Variants in SNTB2 observed in about 807,000 individuals in gnomAD.
SNTB2 encodes beta-2-syntrophin.
In SNTB2, 34 loss-of-function variants were observed where a neutral mutation model predicts 46.2. The observed-to-expected ratio is 0.74, with a 90% confidence interval of 0.56 to 0.98. SNTB2 has a LOEUF of 0.98. Ranked by LOEUF, SNTB2 falls within the 50% of genes least tolerant of loss-of-function variation. The pLI is 0.00. For missense variants in SNTB2, 603 were observed against 731.4 expected, an observed-to-expected ratio of 0.82 and a Z score of 2.02; for synonymous variants, 290 against 312.6, an observed-to-expected ratio of 0.93 and a Z score of 0.76.
chr16:69,261,322 T>A lies in SNTB2; in HGVS notation c.1005+1062T>A, dbSNP rs556884663. Among the ~76,000 whole-genome samples, 138 of 151,964 alleles carry A rather than the reference T, an allele frequency of 9.1e-4. No individual in the cohort carries two copies. The Middle Eastern group carries it at 0.01, about 11-fold the overall frequency. On this transcript the variant is annotated intron_variant, in intron 3 of 6. Coordinates refer to ENST00000336278, the MANE Select transcript of SNTB2 (RefSeq NM_006750.4). ...ACATAGTTCTAACTTTTTTTTTTTT[T>A]AAGTTGAGGTTGATTTTATTTGAGG...
chr16:69,287,024 G>A (rs904841287), intron 5 of SNTB2, among the ~76,000 whole-genome samples: 2 of 152,104 alleles, frequency 1.3e-5, no homozygotes, highest in African/African-American at 2.4e-5. Context: ...GAAAAATAAA[G>A]GATTTGAAAT....
chr16:69,222,137 TTTAA>T (rs1964411467), intron 1 of SNTB2, among the ~76,000 whole-genome samples: 1 of 152,240 alleles, frequency 6.6e-6, no homozygotes, highest in Non-Finnish European at 1.5e-5. Context: ...ATGGCATCGT[TTTAA>T]ATTAATTATC....
chr16:69,270,187 GGCTGT>G lies in SNTB2; in HGVS notation c.1052_1056del (p.Ala351AspfsTer2). 1 of 1,614,078 alleles carries G rather than the reference GGCTGT, an allele frequency of 6.2e-7. No homozygotes were observed. The highest frequency in any genetic ancestry group is 8.5e-7 in the Non-Finnish European group (1 of 1,180,016). On this transcript the variant is annotated frameshift_variant, in exon 4 of 7. Coordinates refer to ENST00000336278, the MANE Select transcript of SNTB2 (RefSeq NM_006750.4). LOFTEE classifies it high-confidence loss of function. The stretch of plus-strand genomic sequence containing the variant: ...GACAGCAATGGAGACCTGTCCTCAT[GGCTGT>G]GACTGAGAAGGATTTGCTGCTCTAT...
At chr16:69,228,238 G>T (rs1161252004) in intron 1 of SNTB2, among the ~76,000 whole-genome samples, 1 of 152,044 alleles carries the variant, frequency 6.6e-6, no homozygotes, top group Admixed American at 6.6e-5. Context: ...GGCCGCGGTG[G>T]CTGATGCCTG....
intron 3 of SNTB2, among the ~76,000 whole-genome samples, chr16:69,264,386 A>C (rs772549292): frequency 6.6e-6 from 1 of 152,234 alleles, no homozygotes; most frequent in Non-Finnish European, 1.5e-5. Context: ...CATATACTGC[A>C]TATTTTCCAA....
chr16:69,215,123 G>T (rs1964334102), intron 1 of SNTB2, among the ~76,000 whole-genome samples: 2 of 152,144 alleles, frequency 1.3e-5, no homozygotes, highest in Admixed American at 6.5e-5. Context: ...CTCCCAAAGT[G>T]TTGGGATTAC....
intron 2 of SNTB2, among the ~76,000 whole-genome samples, chr16:69,253,074 T>C (rs1392212874): frequency 2.0e-5 from 3 of 151,722 alleles, no homozygotes; most frequent in African/African-American, 7.3e-5. Context: ...TAATTTTTTG[T>C]ATTTTTAGTA....
At chr16:69,195,670 C>T (rs1403013804) in intron 1 of SNTB2, among the ~76,000 whole-genome samples, 3 of 152,054 alleles carry the variant, frequency 2.0e-5, no homozygotes, top group Non-Finnish European at 4.4e-5. Context: ...GCTCTAGGAA[C>T]ATATTGCCTT....
chr16:69,235,679 G>C, intron 1 of SNTB2: 2 of 1,249,182 alleles, frequency 1.6e-6, no homozygotes, highest in Non-Finnish European at 2.1e-6. Context: ...GCACCAATAT[G>C]ACAGCTTCAA....
intron 5 of SNTB2, among the ~76,000 whole-genome samples, chr16:69,297,639 C>A (rs974009341): frequency 1.3e-5 from 2 of 150,490 alleles, no homozygotes; most frequent in African/African-American, 4.9e-5. Context: ...AAGCCATGTG[C>A]AATGGCTCAC....
intron 3 of SNTB2, among the ~76,000 whole-genome samples, chr16:69,264,380 T>C (rs902075377): frequency 6.6e-6 from 1 of 152,132 alleles, no homozygotes; most frequent in Admixed American, 6.5e-5. Context: ...TAATGACATA[T>C]ACTGCATATT....
At chr16:69,220,539 T>C (rs573664385) in intron 1 of SNTB2, among the ~76,000 whole-genome samples, 1 of 151,804 alleles carries the variant, frequency 6.6e-6, no homozygotes, top group African/African-American at 2.4e-5. Context: ...GTTTTGTTTT[T>C]TTTTTTGAGA....
intron 2 of SNTB2, among the ~76,000 whole-genome samples, chr16:69,256,783 G>A (rs1964780812): frequency 6.6e-6 from 1 of 152,322 alleles, no homozygotes; most frequent in East Asian, 1.9e-4. Flanking sequence ...AAACATGGGT[G>A]TACAAATGTC....
In SNTB2 at chr16:69,292,385, ATATATTATATATATATATATATT is replaced by A. The variant is rs1567416372; in HGVS notation, c.1346-7204_1346-7182del. Among the ~76,000 whole-genome samples, 36 of 16,054 alleles carry A rather than the reference ATATATTATATATATATATATATT, an allele frequency of 2.2e-3. 5 individuals carry two copies. The highest frequency in any genetic ancestry group is 0.014 in the East Asian group (4 of 276). The allele number at this position is 16,054 out of a possible 152,430, so 10.5% of individuals were successfully genotyped here. On this transcript the variant is annotated intron_variant, in intron 5 of 6. Coordinates refer to ENST00000336278, the MANE Select transcript of SNTB2 (RefSeq NM_006750.4). Reference sequence around the variant, plus strand: ...ATATATATATATATATATATTATATATATATTATATATATATATATATTATATATATATTATATATATATATAT... The same window carrying A: ...ATATATATATATATATATATTATATAATATATATATTATATATATATATAT...
At chr16:69,207,219 A>G (rs953554538) in intron 1 of SNTB2, among the ~76,000 whole-genome samples, 3 of 134,380 alleles carry the variant, frequency 2.2e-5, no homozygotes, top group East Asian at 2.0e-4. Context: ...CAGTGGCGCA[A>G]TATCGGCTCA....
At chr16:69,204,323 A>G (rs911889136) in intron 1 of SNTB2, among the ~76,000 whole-genome samples, 2 of 152,244 alleles carry the variant, frequency 1.3e-5, no homozygotes, top group Non-Finnish European at 2.9e-5. Flanking sequence ...AGTTGCTTCC[A>G]TAGGCTTGCT....
intron 2 of SNTB2, among the ~76,000 whole-genome samples, chr16:69,255,035 T>A (rs1417592214): frequency 6.6e-6 from 1 of 152,118 alleles, no homozygotes; most frequent in Non-Finnish European, 1.5e-5. Context: ...ACCAGGCCAT[T>A]TCTGTCTTTA....
chr16:69,272,539 CAAAAAAAA>C (rs556616496), intron 4 of SNTB2, among the ~76,000 whole-genome samples: 2 of 58,162 alleles, frequency 3.4e-5, no homozygotes, highest in African/African-American at 6.1e-5. Flanking sequence ...GACTCTGTCT[CAAAAAAAA>C]AAAAAAAAAA....
intron 5 of SNTB2, 80 bp downstream of exon 5, chr16:69,284,324 G>C: frequency 1.6e-6 from 2 of 1,214,636 alleles, no homozygotes; most frequent in Middle Eastern, 5.7e-4. Context: ...TGACATTTCA[G>C]TCAGTGATGG....
Sources: allele counts gnomAD v4.1 joint callset (sites outside exome capture counted in the v4.1 genomes callset), GRCh38; gene constraint gnomAD v4.1.1; transcripts MANE v1.5; gene names NCBI Gene and HGNC (gene_info 2026-07-23, HGNC 2026-07-21).